MYBPC2: variants seen among roughly 807,000 people sequenced by gnomAD.
The protein encoded by MYBPC2 is myosin-binding protein C, fast-type.
MYBPC2 carries 122 observed loss-of-function variants against 137.0 expected under a neutral mutation model. The observed-to-expected ratio is 0.89, with a 90% CI of 0.77 to 1.03. The LOEUF (loss-of-function observed/expected upper bound fraction) is 1.03. Ranked by LOEUF, MYBPC2 falls within the 50% of genes least tolerant of loss-of-function variation. The pLI is 0.00. For missense variants in MYBPC2, 1,500 were observed against 1,534.4 expected, an observed-to-expected ratio of 0.98 and a Z score of 0.37; for synonymous variants, 626 against 612.3, an observed-to-expected ratio of 1.02 and a Z score of -0.33.
intron 8 of MYBPC2, 113 bp downstream of exon 8, chr19:50,441,189 G>C: frequency 5.9e-6 from 7 of 1,188,824 alleles, no homozygotes; most frequent in South Asian, 3.7e-5. Context: ...TGAGGTAGGA[G>C]GCAAGACCCA....
In MYBPC2 at chr19:50,461,491, G is replaced by A. The variant is rs113621162; in HGVS notation, c.2932-51G>A. 2.5e-4 allele frequency: 395 copies of A among 1,568,368 alleles called. No homozygotes were observed. In the African/African-American group the frequency reaches 4.2e-3, roughly 17 times the overall value. On this transcript the variant is annotated intron_variant, in intron 24 of 27. Transcript: ENST00000357701. Reference sequence around the variant, plus strand: ...TTTCGTCTGTGTCTTGTGTGTAATCGTGTGATCCTGTGGCCCCGACCCGCC... The same window carrying A: ...TTTCGTCTGTGTCTTGTGTGTAATCATGTGATCCTGTGGCCCCGACCCGCC...
In MYBPC2 at chr19:50,435,308, C is replaced by G. The variant is rs1242914631; in HGVS notation, c.109+58C>G. ...TGGCTTCTCATCTCCATCCTCCTCG[C>G]TACGCCTCTCCAGGCCTTTCCCCAG... On this transcript the variant is annotated intron_variant, in intron 2 of 27. Transcript: ENST00000357701. This position sits in a 1 kb window ranked among gnomAD's most constrained non-coding sequence, Gnocchi z 4.8. The G allele has an allele frequency of 2.8e-6, 2 of 720,442 alleles. No individual in the cohort carries two copies. The highest frequency in any genetic ancestry group is 5.4e-5 in the East Asian group (2 of 37,276). The allele number at this position is 720,442 out of a possible 1,614,324, so 44.6% of individuals were successfully genotyped here. A position where few individuals can be genotyped will look rare whatever the true frequency, so the allele number is the denominator to read the frequency against.
rs1167203314 is a variant in MYBPC2, at chr19:50,452,017, GC to G, written c.1749+18del. On this transcript the variant is annotated intron_variant, in intron 16 of 27. Transcript: ENST00000357701. ...AAGGGAGATGAGGTGGGTTGGGGCC[GC>G]CCCTCTGTCCTCACTCCCTTTCCGT... The G allele has an allele frequency of 6.4e-7, 1 of 1,551,344 alleles. No individual in the cohort carries two copies. Among genetic ancestry groups the G allele is most frequent in the Non-Finnish European group, 8.7e-7 (1 of 1,146,664 alleles).
chr19:50,447,911 T>C (rs1018740163), intron 12 of MYBPC2, among the ~76,000 whole-genome samples: 3 of 152,152 alleles, frequency 2.0e-5, no homozygotes, highest in Non-Finnish European at 4.4e-5. Context: ...AGTGCTGGGA[T>C]TACAGGCGTG....
intron 1 of MYBPC2, among the ~76,000 whole-genome samples, chr19:50,433,514 C>T (rs2039676019): frequency 6.6e-6 from 1 of 151,824 alleles, no homozygotes; most frequent in Admixed American, 6.6e-5. Context: ...AAACAATTCT[C>T]CTGCCTGGGG....
chr19:50,436,946 G>T (rs922634249), intron 5 of MYBPC2, among the ~76,000 whole-genome samples: 1 of 152,126 alleles, frequency 6.6e-6, no homozygotes. Context: ...AAGTGTACAG[G>T]GTCTTGGGAT....
intron 15 of MYBPC2, 23 bp downstream of exon 15, chr19:50,451,332 G>A (rs1271223352): frequency 1.2e-6 from 2 of 1,612,814 alleles, no homozygotes; most frequent in Non-Finnish European, 1.7e-6. Flanking sequence ...GGCTGCGCTG[G>A]GAGCGGGTCT....
At chr19:50,461,484 T>A in intron 24 of MYBPC2, 58 bp from the exon 25 acceptor site, 1 of 1,539,998 alleles carries the variant, frequency 6.5e-7, no homozygotes. Flanking sequence ...GTGTCTTGTG[T>A]GTAATCGTGT....
At chr19:50,462,566 T>G (rs1156461270) in intron 26 of MYBPC2, among the ~76,000 whole-genome samples, 1 of 152,018 alleles carries the variant, frequency 6.6e-6, no homozygotes, top group Non-Finnish European at 1.5e-5. Context: ...CATCTTGCCT[T>G]TGGCTTCCTG....
At chr19:50,456,997 G>A (rs542770782) in intron 20 of MYBPC2, among the ~76,000 whole-genome samples, 6 of 152,262 alleles carry the variant, frequency 3.9e-5, no homozygotes, top group East Asian at 1.9e-4. Context: ...GAGAACAGAC[G>A]TGATCACCTC....
At position 50,464,550 on chromosome 19, in the gene MYBPC2, C is replaced by T; in HGVS notation, c.3415+18C>T. On this transcript the variant is annotated intron_variant, in intron 27 of 27. Coordinates refer to ENST00000357701, the MANE Select transcript of MYBPC2 (RefSeq NM_004533.4). ...GGTCCGAGGTGAGGGCGTGGCCATC[C>T]CCAACACTGGCTGACCCTTGCTCGG... 1.3e-6 allele frequency: 2 copies of T among 1,587,162 alleles called. No homozygotes were observed. The highest frequency in any genetic ancestry group is 1.7e-6 in the Non-Finnish European group (2 of 1,168,240).
intron 18 of MYBPC2, 42 bp downstream of exon 18, chr19:50,454,411 CT>C (rs1568665654): frequency 1.8e-6 from 2 of 1,097,718 alleles, no homozygotes; most frequent in Admixed American, 5.2e-5. Context: ...TTCCCTCTTT[CT>C]GCCTTCTGTT....
At chr19:50,463,710 G>A (rs1243042677) in intron 26 of MYBPC2, among the ~76,000 whole-genome samples, 4 of 152,100 alleles carry the variant, frequency 2.6e-5, no homozygotes, top group Non-Finnish European at 4.4e-5. Context: ...AGGCCGAGGC[G>A]GGCAGATCAC....
intron 26 of MYBPC2, among the ~76,000 whole-genome samples, chr19:50,462,911 G>A (rs2039984232): frequency 6.6e-6 from 1 of 152,196 alleles, no homozygotes; most frequent in African/African-American, 2.4e-5. Flanking sequence ...CTTGAGGAGA[G>A]GACCATTAAG....
At chr19:50,433,854 T>C (rs933938820) in intron 1 of MYBPC2, among the ~76,000 whole-genome samples, 1 of 152,130 alleles carries the variant, frequency 6.6e-6, no homozygotes, top group African/African-American at 2.4e-5. Flanking sequence ...GGCAGGAGGA[T>C]TGCTTGAGGC....
rs1335270477 is a variant in MYBPC2, at chr19:50,432,933, A to G, written c.-21A>G. On this transcript the variant is annotated 5_prime_UTR_variant, in exon 1 of 28. Coordinates refer to ENST00000357701, the MANE Select transcript of MYBPC2 (RefSeq NM_004533.4). The surrounding 1 kb of genome is among the most constrained non-coding windows in gnomAD (Gnocchi z 5.5). ...AGCGGGACGCGGCTGCGGTCAGAGG[A>G]GCAGGAGGAGGTCCCCCGACATGCC... The G allele has an allele frequency of 7.5e-6, 12 of 1,605,476 alleles. No homozygotes were observed. In the East Asian group the frequency reaches 2.7e-4, roughly 36 times the overall value.
chr19:50,461,207 G>A (rs2039968504), intron 24 of MYBPC2, among the ~76,000 whole-genome samples: 1 of 151,038 alleles, frequency 6.6e-6, no homozygotes, highest in African/African-American at 2.4e-5. Flanking sequence ...GTCTCGCCGG[G>A]TTGCCCACTC....
At position 50,445,969 on chromosome 19, in the gene MYBPC2, T is replaced by G; in HGVS notation, c.1223T>G (p.Phe408Cys). Residue 408 changes from phenylalanine (F) to cysteine (C), a missense_variant, in exon 12 of 28, where the codon TTC becomes TGC. Physicochemically the swap from Phe to Cys is radical, Grantham distance 205. Transcript: ENST00000357701. ...GACGGGAAGCGCCACATCCTCATCT[T>G]CTCAGACGTGGTCCAGGAGGACAGG... The part of the protein sequence containing the change: ...KKDGKRHILI[F>C]SDVVQEDRGR... 1 of 1,613,198 alleles carries G rather than the reference T, an allele frequency of 6.2e-7. No homozygotes were observed. Among genetic ancestry groups the G allele is most frequent in the Non-Finnish European group, 8.5e-7 (1 of 1,179,614 alleles).
intron 26 of MYBPC2, among the ~76,000 whole-genome samples, chr19:50,462,386 G>A (rs1251874595): frequency 1.3e-5 from 2 of 151,944 alleles, no homozygotes; most frequent in South Asian, 2.1e-4. Flanking sequence ...GTCTTGCTAT[G>A]TTGTCCAGGC....
Sources: allele counts gnomAD v4.1 joint callset (sites outside exome capture counted in the v4.1 genomes callset), GRCh38; gene constraint gnomAD v4.1.1; non-coding constraint Gnocchi (gnomAD v3.1); transcripts MANE v1.5; gene names NCBI Gene and HGNC (gene_info 2026-07-23, HGNC 2026-07-21).